The following TRIO variants were observed in gnomAD, a reference collection of about 807,000 sequenced individuals.
TRIO encodes trio Rho guanine nucleotide exchange factor.
A neutral mutation model predicts 351.9 loss-of-function variants in TRIO; 58 were observed. That is an observed-to-expected ratio of 0.16 (90% CI 0.13 to 0.21). TRIO has a LOEUF of 0.21. Among genes scored for constraint, TRIO ranks in the 10% least tolerant of loss-of-function variants. The probability of loss-of-function intolerance (pLI) is 1.00; values close to 1 mark genes in which losing one functional copy is unlikely to be tolerated. For missense variants in TRIO, 3,201 were observed against 4,027.8 expected (o/e 0.79, Z 5.56); for synonymous variants, 1,758 against 1,595.7 (o/e 1.10, Z -2.42).
At chr5:14,322,856 G>C (rs56141029) in intron 9 of TRIO, among the ~76,000 whole-genome samples, 6,081 of 152,274 alleles carry the variant, frequency 0.04, 404 homozygotes, top group African/African-American at 0.14. Context: ...TAGAATTAGG[G>C]AGTGCTGAGT....
chr5:14,306,108 G>T, intron 8 of TRIO, among the ~76,000 whole-genome samples: 1 of 149,602 alleles, frequency 6.7e-6, no homozygotes. Context: ...CTGATACCAC[G>T]TGATGTCTAA....
chr5:14,484,738 G>T (rs1755792367), intron 46 of TRIO, among the ~76,000 whole-genome samples: 1 of 152,048 alleles, frequency 6.6e-6, no homozygotes, highest in African/African-American at 2.4e-5. Context: ...CTAAAGCCCT[G>T]TACCCATTAA....
intron 13 of TRIO, among the ~76,000 whole-genome samples, chr5:14,362,487 GTCC>G (rs1744235380): frequency 6.6e-6 from 1 of 152,038 alleles, no homozygotes; most frequent in African/African-American, 2.4e-5. Context: ...TCTCTCCTTT[GTCC>G]TCCTCCTCTT....
chr5:14,266,236 T>C (rs1795668162), intron 1 of TRIO, among the ~76,000 whole-genome samples: 1 of 152,096 alleles, frequency 6.6e-6, no homozygotes. Flanking sequence ...TATTTTTTCG[T>C]ATTTTAGTAG....
chr5:14,395,753 AATT>A (rs1171766475), intron 28 of TRIO, among the ~76,000 whole-genome samples: 1 of 152,210 alleles, frequency 6.6e-6, no homozygotes, highest in Non-Finnish European at 1.5e-5. Flanking sequence ...GACTGGTAGT[AATT>A]ATTAATACAC....
chr5:14,411,750 G>A (rs1052535627), intron 33 of TRIO, among the ~76,000 whole-genome samples: 1 of 151,984 alleles, frequency 6.6e-6, no homozygotes, highest in Non-Finnish European at 1.5e-5. Context: ...GACCATAAGT[G>A]TACACTACTA....
At chr5:14,403,402 GATGAGGGTGTAGGTT>G (rs1748330608) in intron 31 of TRIO, among the ~76,000 whole-genome samples, 3 of 105,298 alleles carry the variant, frequency 2.8e-5, no homozygotes, top group East Asian at 2.4e-4. Context: ...TGTAGGTTGT[GATGAGGGTGTAGGTT>G]GTGGTGAGGG....
At chr5:14,371,842 A>C (rs550979939) in intron 18 of TRIO, among the ~76,000 whole-genome samples, 1 of 151,730 alleles carries the variant, frequency 6.6e-6, no homozygotes, top group Non-Finnish European at 1.5e-5. Context: ...GAGTCTCCTT[A>C]TGTTGCCCAG....
At chr5:14,201,215 G>A (rs564094049) in intron 1 of TRIO, among the ~76,000 whole-genome samples, 4 of 152,070 alleles carry the variant, frequency 2.6e-5, no homozygotes, top group South Asian at 2.1e-4. Flanking sequence ...AGCCGAGATC[G>A]TGTCATTGCA....
At chr5:14,434,438 ACT>A (rs1205645851) in intron 34 of TRIO, among the ~76,000 whole-genome samples, 2 of 150,892 alleles carry the variant, frequency 1.3e-5, no homozygotes, top group African/African-American at 4.9e-5. Context: ...ACTTTTTCAT[ACT>A]CTCAGTTTCT....
intron 11 of TRIO, among the ~76,000 whole-genome samples, chr5:14,351,412 C>T (rs1743092327): frequency 1.3e-5 from 2 of 152,238 alleles, no homozygotes; most frequent in South Asian, 4.1e-4. Context: ...ACTTCTGCTT[C>T]TGACTTGCAG....
At chr5:14,229,084 A>G (rs941250260) in intron 1 of TRIO, among the ~76,000 whole-genome samples, 1 of 152,202 alleles carries the variant, frequency 6.6e-6, no homozygotes, top group Non-Finnish European at 1.5e-5. Flanking sequence ...AATATTGATT[A>G]TGATATATAT....
At chr5:14,327,839 T>A (rs148205962) in intron 9 of TRIO, among the ~76,000 whole-genome samples, 27 of 152,344 alleles carry the variant, frequency 1.8e-4, no homozygotes, top group Admixed American at 5.9e-4. Flanking sequence ...ATGTATCCAT[T>A]CTCAAGGCCG....
In TRIO at chr5:14,498,596, A is replaced by G. The variant is rs764571214; in HGVS notation, c.8288A>G (p.Asn2763Ser). The G allele has an allele frequency of 5.0e-6, 8 of 1,614,208 alleles. No homozygotes were observed. The Admixed American group carries it at 8.3e-5, about 17-fold the overall frequency. The change falls in exon 53 of 57, where the codon AAT becomes AGT. Residue 2763 changes from asparagine (N) to serine (S), a missense_variant. Coordinates refer to ENST00000344204, the MANE Select transcript of TRIO (RefSeq NM_007118.4). Reference sequence around the variant, plus strand: ...GGCATCTACACGTGCATCGCTGTCAATGACATGGGTTCAGCCTCATCGTCG... The same window carrying G: ...GGCATCTACACGTGCATCGCTGTCAGTGACATGGGTTCAGCCTCATCGTCG... ...DDGIYTCIAV[N>S]DMGSASSSAS...
In TRIO at chr5:14,286,415, C is replaced by A. The variant is rs1325718883; in HGVS notation, c.348-456C>A. 6.6e-6 allele frequency among the ~76,000 whole-genome samples: 1 copy of A among 152,062 alleles called. No individual in the cohort carries two copies. Among genetic ancestry groups the A allele is most frequent in the Non-Finnish European group, 1.5e-5 (1 of 68,012 alleles). Reference sequence around the variant, plus strand: ...TTTCAGCACCTGGGGTGCTGGGAGTCCTGGGGTAACTGCCGTCCACAGGTC... The same window carrying A: ...TTTCAGCACCTGGGGTGCTGGGAGTACTGGGGTAACTGCCGTCCACAGGTC... On this transcript the variant is annotated intron_variant, in intron 3 of 56. Coordinates refer to ENST00000344204, the MANE Select transcript of TRIO (RefSeq NM_007118.4). The surrounding 1 kb of genome is among the most constrained non-coding windows in gnomAD (Gnocchi z 4.4).
intron 11 of TRIO, among the ~76,000 whole-genome samples, chr5:14,349,274 G>T (rs10076642): frequency 1.6e-3 from 214 of 133,884 alleles, no homozygotes; most frequent in African/African-American, 5.5e-3. Context: ...TTTCCTGTGT[G>T]TATGTGTGTA....
chr5:14,477,416 CA>C (rs1485902901), intron 41 of TRIO: 1 of 152,634 alleles, frequency 6.6e-6, no homozygotes, highest in Non-Finnish European at 1.5e-5. Context: ...GCATTTTTGC[CA>C]GTCTCTTTAA....
intron 2 of TRIO, among the ~76,000 whole-genome samples, chr5:14,271,605 A>G (rs918598398): frequency 2.0e-5 from 3 of 152,150 alleles, no homozygotes; most frequent in Non-Finnish European, 4.4e-5. Flanking sequence ...CTTGGGTATT[A>G]TACCTTTTGG....
chr5:14,196,683 C>T (rs1003940369), intron 1 of TRIO, among the ~76,000 whole-genome samples: 2 of 152,178 alleles, frequency 1.3e-5, no homozygotes, highest in South Asian at 2.1e-4. Flanking sequence ...CACCTGGTGC[C>T]TGCGAAGTTA....
Sources: gnomAD v4.1 joint callset for allele counts (sites outside exome capture counted in the v4.1 genomes callset) on GRCh38, gnomAD v4.1.1 for gene constraint, Gnocchi (gnomAD v3.1) non-coding constraint, MANE v1.5 for transcripts, NCBI Gene and HGNC (gene_info 2026-07-23, HGNC 2026-07-21) for gene names.